The following PINX1 variants were observed in gnomAD, a reference collection of about 807,000 sequenced individuals.
The protein encoded by PINX1 is PIN2/TERF1-interacting telomerase inhibitor 1.
A neutral mutation model predicts 25.4 loss-of-function variants in PINX1; 34 were observed. The observed-to-expected ratio is 1.34, with a 90% CI of 1.02 to 1.78. The LOEUF is 1.78. Ranked by LOEUF, PINX1 falls within the 40% of genes most tolerant of loss-of-function variation. The probability of loss-of-function intolerance (pLI) is 0.00; values close to 1 mark genes in which losing one functional copy is unlikely to be tolerated. For missense variants in PINX1, 592 were observed against 404.9 expected (o/e 1.46, Z -3.97); for synonymous variants, 197 against 147.7 (o/e 1.33, Z -2.42).
chr8:10,785,709 GAACT>G (rs1425082547), intron 6 of PINX1, among the ~76,000 whole-genome samples: 9 of 152,170 alleles, frequency 5.9e-5, no homozygotes, highest in African/African-American at 2.2e-4. Context: ...TCACAACACT[GAACT>G]AACTTGTGTG....
intron 6 of PINX1, among the ~76,000 whole-genome samples, chr8:10,817,346 G>A (rs1286635272): frequency 2.0e-5 from 3 of 152,154 alleles, no homozygotes; most frequent in African/African-American, 7.2e-5. Flanking sequence ...GATGGGAGCC[G>A]AAAGAGGTTG....
chr8:10,817,340 G>A (rs949672708), intron 6 of PINX1, among the ~76,000 whole-genome samples: 5 of 152,182 alleles, frequency 3.3e-5, no homozygotes, highest in African/African-American at 1.2e-4. Context: ...ACTGAGGATG[G>A]GAGCCGAAAG....
intron 5 of PINX1, among the ~76,000 whole-genome samples, chr8:10,824,707 G>A (rs7005531): frequency 0.21 from 32,348 of 152,138 alleles, 3,544 homozygotes; most frequent in Middle Eastern, 0.3. Context: ...TGGCATCAAA[G>A]GAAAATTAGA....
rs577112998 is a variant in PINX1 at position 10,786,707 on chromosome 8, C to T, written c.472-20791G>A. On this transcript the variant is annotated intron_variant, in intron 6 of 6. Transcript: ENST00000314787. ...CAGCTGAAAACTTCAGTGTATACTGCAGGCCAAATCCTCTCCCTGTGTAAT... is the reference window on the plus strand; with the variant it reads ...CAGCTGAAAACTTCAGTGTATACTGTAGGCCAAATCCTCTCCCTGTGTAAT... Among the ~76,000 whole-genome samples the T allele has an allele frequency of 1.3e-3, 192 of 152,332 alleles. 1 individual carries two copies. Among genetic ancestry groups the T allele is most frequent in the Non-Finnish European group, 2.2e-3 (153 of 68,024 alleles).
Position 10,830,865 on chromosome 8 carries a change from T to C in PINX1, c.301+800A>G, listed in dbSNP as rs145138857. On this transcript the variant is annotated intron_variant, in intron 4 of 6. Transcript: ENST00000314787. ...TTGGAACTCTTATGCACTGTTGATG[T>C]AGCCACTACAGAAAACAGTACGGCA... Among the ~76,000 whole-genome samples, 16 of 152,308 alleles carry C rather than the reference T, an allele frequency of 1.1e-4. 1 individual carries two copies. The highest frequency in any genetic ancestry group is 3.8e-4 in the African/African-American group (16 of 41,562).
intron 6 of PINX1, among the ~76,000 whole-genome samples, chr8:10,774,687 T>C (rs868302846): frequency 2.0e-5 from 3 of 152,194 alleles, no homozygotes; most frequent in Admixed American, 6.5e-5. Flanking sequence ...AAAAGAAAGG[T>C]AAATTAGGTG....
rs116952775 is a variant in PINX1, at chr8:10,771,893, C to T, written c.472-5977G>A. On this transcript the variant is annotated intron_variant, in intron 6 of 6. Transcript: ENST00000314787. Reference sequence around the variant, plus strand: ...ACTACTGCAGAGTACATCTGAGTGTCGTCTGCTGTCAGCCAGTTCCTTCCT... The same window carrying T: ...ACTACTGCAGAGTACATCTGAGTGTTGTCTGCTGTCAGCCAGTTCCTTCCT... 4.7e-4 allele frequency among the ~76,000 whole-genome samples: 71 copies of T among 152,346 alleles called. 1 individual carries two copies. In the East Asian group the frequency reaches 0.012, roughly 26 times the overall value.
intron 6 of PINX1, among the ~76,000 whole-genome samples, chr8:10,773,726 A>G (rs1420547499): frequency 1.3e-5 from 2 of 152,212 alleles, no homozygotes; most frequent in Non-Finnish European, 1.5e-5. Context: ...CGACATAAAC[A>G]TGTTTTAAAA....
chr8:10,776,832 C>A (rs1320355784), intron 6 of PINX1, among the ~76,000 whole-genome samples: 1 of 152,204 alleles, frequency 6.6e-6, no homozygotes, highest in Admixed American at 6.5e-5. Context: ...TTTGCCTTCT[C>A]CGCCAACCCT....
chr8:10,765,859 T>C lies in PINX1; in HGVS notation c.529A>G (p.Thr177Ala), dbSNP rs762364212. The C allele has an allele frequency of 3.1e-6, 5 of 1,613,742 alleles. No individual in the cohort carries two copies. The Admixed American group carries it at 6.7e-5, about 22-fold the overall frequency. The stretch of plus-strand genomic sequence containing the variant: ...CGCTTGGCAAAGTACTCCTGGATGG[T>C]GAAGGCGCTGGTTGTCGTGGTTTCG... ...ENETTTTSAF[T>A]IQEYFAKRMA... is the part of the protein sequence containing the mutation. Residue 177 changes from threonine (T) to alanine (A), a missense_variant, in exon 7 of 7, where the codon ACC becomes GCC. By Grantham distance (58) the Thr-to-Ala change is moderately conservative. Coordinates refer to ENST00000314787, the MANE Select transcript of PINX1 (RefSeq NM_017884.6).
In PINX1 at chr8:10,772,822, G is replaced by GT. The variant is rs769034364; in HGVS notation, c.472-6907dup. On this transcript the variant is annotated intron_variant, in intron 6 of 6. Coordinates refer to ENST00000314787, the MANE Select transcript of PINX1 (RefSeq NM_017884.6). ...GTGTGCGTGCACATGTGAAACAGGT[G>GT]TAAGAACCTGTGGCATGTATTAGAA... Among the ~76,000 whole-genome samples, 3 of 152,188 alleles carry GT rather than the reference G, an allele frequency of 2.0e-5. No homozygotes were observed. The East Asian group carries it at 5.8e-4, about 29-fold the overall frequency.
At chr8:10,832,869 A>T (rs1798264753) in intron 3 of PINX1, 23 bp downstream of exon 3, 1 of 1,445,186 alleles carries the variant, frequency 6.9e-7, no homozygotes, top group Non-Finnish European at 9.7e-7. Context: ...AAAGACACCC[A>T]GGAGGCACAC....
chr8:10,810,479 G>C (rs1053188955), intron 6 of PINX1, among the ~76,000 whole-genome samples: 2 of 152,280 alleles, frequency 1.3e-5, no homozygotes, highest in East Asian at 3.9e-4. Flanking sequence ...AGCATGAGCA[G>C]CTCCCTTCCT....
intron 1 of PINX1, among the ~76,000 whole-genome samples, chr8:10,839,419 C>T (rs767326616): frequency 1.3e-5 from 2 of 152,216 alleles, no homozygotes; most frequent in African/African-American, 2.4e-5. Flanking sequence ...GCAACCAGTC[C>T]GGGACCCCAC....
intron 6 of PINX1, among the ~76,000 whole-genome samples, chr8:10,802,051 T>G (rs1022925127): frequency 4.6e-5 from 7 of 151,762 alleles, no homozygotes; most frequent in Non-Finnish European, 1.5e-5. Flanking sequence ...AACTGGAAGA[T>G]GTACAAAGAA....
rs189959562 is a variant in PINX1, at chr8:10,832,964, T to G, written c.150A>C (p.Gln50His). 5.9e-3 allele frequency: 9,519 copies of G among 1,609,030 alleles called. 35 individuals carry two copies. Among genetic ancestry groups the G allele is most frequent in the Non-Finnish European group, 7.4e-3 (8,681 of 1,176,742 alleles). Residue 50 changes from glutamine (Q) to histidine (H), a missense_variant, in exon 3 of 7, where the codon CAA (glutamine) becomes CAC (histidine). Transcript: ENST00000314787. The stretch of plus-strand genomic sequence containing the variant: ...GAACTTTAATATGATCTGTGGCTCC[T>G]TGCTCCTGAGCCCCTAAACCCTGTG... ...SKGKGLGAQE[Q>H]GATDHIKVQV...
chr8:10,771,640 T>G (rs1801226078), intron 6 of PINX1, among the ~76,000 whole-genome samples: 1 of 152,196 alleles, frequency 6.6e-6, no homozygotes, highest in Admixed American at 6.5e-5. Flanking sequence ...CAAACCCAGC[T>G]GGACCAAGGC....
At chr8:10,789,730 C>T (rs945009428) in intron 6 of PINX1, among the ~76,000 whole-genome samples, 2 of 152,084 alleles carry the variant, frequency 1.3e-5, no homozygotes, top group Non-Finnish European at 2.9e-5. Flanking sequence ...CAGTATTGTC[C>T]GTATCCGATG....
intron 6 of PINX1, among the ~76,000 whole-genome samples, chr8:10,812,177 CTT>C (rs1305232554): frequency 2.6e-5 from 4 of 152,192 alleles, no homozygotes; most frequent in Non-Finnish European, 4.4e-5. Context: ...TATTTGATCT[CTT>C]GTTTGGACAC....
Sources: allele counts gnomAD v4.1 joint callset (sites outside exome capture counted in the v4.1 genomes callset), GRCh38; gene constraint gnomAD v4.1.1; transcripts MANE v1.5; gene names NCBI Gene and HGNC (gene_info 2026-07-23, HGNC 2026-07-21).